Variants in SLAMF9 observed in about 807,000 individuals in gnomAD.
SLAMF9 encodes the protein CD2 family member 10.
A neutral mutation model predicts 30.4 loss-of-function variants in SLAMF9; 25 were observed. The observed-to-expected ratio is 0.82, with a 90% CI of 0.60 to 1.15. The LOEUF is 1.15. SLAMF9 is among the 50% of genes most tolerant of loss of function. SLAMF9 has a pLI of 0.00. For missense variants in SLAMF9, 344 were observed against 346.1 expected (o/e 0.99, Z 0.05); for synonymous variants, 129 against 127.2 (o/e 1.01, Z -0.09).
upstream of SLAMF9, among the ~76,000 whole-genome samples, chr1:159,956,213 C>T (rs927219370): frequency 3.9e-5 from 6 of 152,296 alleles, no homozygotes; most frequent in African/African-American, 1.4e-4. Context: ...TGCCTATGAT[C>T]CTAGCGCTTT....
chr1:159,982,785 C>T, the SLAMF9 span, among the ~76,000 whole-genome samples: 1 of 152,190 alleles, frequency 6.6e-6, no homozygotes. Context: ...AATCCCAGCA[C>T]TCTGGGAGGC....
chr1:159,974,200 G>T, the SLAMF9 span: 1 of 652,870 alleles, frequency 1.5e-6, no homozygotes, highest in Non-Finnish European at 2.7e-6. Context: ...ACTGTCTCCA[G>T]TCCTTCATGC....
the SLAMF9 span, among the ~76,000 whole-genome samples, chr1:159,973,591 C>T: frequency 6.6e-6 from 1 of 152,160 alleles, no homozygotes; most frequent in African/African-American, 2.4e-5. Flanking sequence ...GGAATCTCCC[C>T]CCTCCTTCCC....
rs35541552 is a variant in SLAMF9, at chr1:159,952,302, G to A, written c.624C>T (p.Asn208=). The change falls in exon 3 of 4, where the codon AAC becomes AAT. Residue 208 remains asparagine, a synonymous_variant. Coordinates refer to ENST00000368093, the MANE Select transcript of SLAMF9 (RefSeq NM_033438.4). The part of the protein sequence containing the change: ...YTCRANNPIS[N]VSSCPIPDGP... ...CATCAGGGATGGGGCAAGAACTGAC[G>A]TTGCTGATGGGGTTGTTGGCTCTGC... The A allele has an allele frequency of 0.032, 50,952 of 1,613,982 alleles. 1,022 individuals carry two copies. The highest frequency in any genetic ancestry group is 0.061 in the South Asian group (5,556 of 91,074).
At chr1:159,979,570 G>A in the SLAMF9 span, among the ~76,000 whole-genome samples, 13,520 of 151,472 alleles carry the variant, frequency 0.089, 712 homozygotes, top group African/African-American at 0.14. Flanking sequence ...GTCAAGGTAC[G>A]GTAGACAAAA....
At chr1:159,967,044 AAAAATTCTTG>A in the SLAMF9 span, among the ~76,000 whole-genome samples, 1 of 152,148 alleles carries the variant, frequency 6.6e-6, no homozygotes, top group Non-Finnish European at 1.5e-5. Flanking sequence ...GTCAAATCCA[AAAAATTCTTG>A]TCCAAACCAA....
the SLAMF9 span, among the ~76,000 whole-genome samples, chr1:159,967,984 A>T: frequency 6.6e-6 from 1 of 152,148 alleles, no homozygotes; most frequent in Non-Finnish European, 1.5e-5. Context: ...TTTGTTTATC[A>T]GTTCTAAGGG....
At chr1:159,954,035 G>A (rs1030747786) in intron 1 of SLAMF9, 57 bp downstream of exon 1, 2 of 1,603,358 alleles carry the variant, frequency 1.2e-6, no homozygotes, top group African/African-American at 2.7e-5. Context: ...ACCCAGTGGG[G>A]CAGGGGAACA....
At chr1:159,959,991 GT>G in the SLAMF9 span, among the ~76,000 whole-genome samples, 582 of 151,674 alleles carry the variant, frequency 3.8e-3, 11 homozygotes, top group Admixed American at 0.028. Flanking sequence ...AGCACAGCCT[GT>G]TTATCCACCT....
At chr1:159,968,839 T>C in the SLAMF9 span, among the ~76,000 whole-genome samples, 3 of 152,040 alleles carry the variant, frequency 2.0e-5, no homozygotes, top group African/African-American at 4.8e-5. Context: ...TCACCTGAGG[T>C]CAGGAGTTCG....
intron 2 of SLAMF9, among the ~76,000 whole-genome samples, chr1:159,952,907 A>G (rs1319437206): frequency 6.6e-6 from 1 of 152,238 alleles, no homozygotes; most frequent in Non-Finnish European, 1.5e-5. Flanking sequence ...ATGCAGTGTG[A>G]CAGACACTAA....
At chr1:159,980,787 C>T in the SLAMF9 span, among the ~76,000 whole-genome samples, 3 of 152,318 alleles carry the variant, frequency 2.0e-5, no homozygotes, top group African/African-American at 4.8e-5. Flanking sequence ...ATGATCCACC[C>T]GCCTCAGCCT....
upstream of SLAMF9, among the ~76,000 whole-genome samples, chr1:159,958,251 G>C (rs1651968966): frequency 6.6e-6 from 1 of 152,208 alleles, no homozygotes; most frequent in African/African-American, 2.4e-5. Context: ...CTCTTGAAGG[G>C]GGAGCCGAGG....
At chr1:159,962,407 C>T in the SLAMF9 span, among the ~76,000 whole-genome samples, 2 of 152,024 alleles carry the variant, frequency 1.3e-5, no homozygotes, top group African/African-American at 4.8e-5. Context: ...CTTTGGGAGG[C>T]CGAGGTGGGC....
At chr1:159,974,140 T>A in the SLAMF9 span, 1 of 1,087,556 alleles carries the variant, frequency 9.2e-7, no homozygotes, top group Non-Finnish European at 1.4e-6. Flanking sequence ...TCCTCCAGCC[T>A]AAGGCCTCTG....
upstream of SLAMF9, among the ~76,000 whole-genome samples, chr1:159,954,407 C>T (rs577367637): frequency 1.3e-5 from 2 of 152,284 alleles, no homozygotes; most frequent in East Asian, 3.9e-4. Flanking sequence ...AAACTCAGCC[C>T]AAATCCCACT....
At chr1:159,954,034 G>A in intron 1 of SLAMF9, 58 bp downstream of exon 1, 1 of 1,606,756 alleles carries the variant, frequency 6.2e-7, no homozygotes, top group African/African-American at 1.3e-5. Context: ...GACCCAGTGG[G>A]GCAGGGGAAC....
chr1:159,972,897 C>T, the SLAMF9 span: 1 of 992,178 alleles, frequency 1.0e-6, no homozygotes. Context: ...CTGGCTCCCT[C>T]CTCTCCTGGG....
the SLAMF9 span, chr1:159,973,855 T>C: frequency 1.9e-5 from 31 of 1,613,574 alleles, 1 homozygote; most frequent in Middle Eastern, 1.6e-4. Context: ...GGAATATACA[T>C]CACCTGCCCA....
Sources: allele counts gnomAD v4.1 joint callset (sites outside exome capture counted in the v4.1 genomes callset), GRCh38; gene constraint gnomAD v4.1.1; transcripts MANE v1.5; gene names NCBI Gene and HGNC (gene_info 2026-07-23, HGNC 2026-07-21).